TJP2: variants seen among roughly 807,000 people sequenced by gnomAD.
TJP2 encodes the protein tight junction protein 2, also known as Friedreich ataxia region gene X104 (tight junction protein ZO-2).
A neutral mutation model predicts 133.1 loss-of-function variants in TJP2; 91 were observed. The observed-to-expected ratio is 0.68, with a 90% CI of 0.58 to 0.81. The LOEUF is 0.81. Among genes scored for constraint, TJP2 ranks in the 40% least tolerant of loss-of-function variants. The pLI is 0.00. For synonymous variants in TJP2, 592 were observed against 583.4 expected (o/e 1.01, Z -0.21); for missense variants, 1,541 against 1,565.6 (o/e 0.98, Z 0.26).
intron 1 of TJP2, among the ~76,000 whole-genome samples, chr9:69,182,600 G>A (rs1231885889): frequency 6.6e-6 from 1 of 152,104 alleles, no homozygotes. Context: ...GCCAGACTTA[G>A]AGCTAAAAAA....
Position 69,212,541 on chromosome 9 carries a change from A to C in TJP2, c.61-7A>C, listed in dbSNP as rs755087942. ...TTCATCAGATTGGTTTTGTTCTTTT[A>C]AAACAGGCCCCAGGCATGGAAGAGC... On this transcript the variant is annotated splice_region_variant and splice_polypyrimidine_tract_variant and intron_variant, in intron 1 of 22. Transcript: ENST00000377245. 3 of 1,611,062 alleles carry C rather than the reference A, an allele frequency of 1.9e-6. No individual in the cohort carries two copies. Among genetic ancestry groups the C allele is most frequent in the Non-Finnish European group, 2.5e-6 (3 of 1,177,360 alleles).
In TJP2 at chr9:69,127,010, T is replaced by C. The variant is rs1201592271; in HGVS notation, c.-131+5285T>C. Among the ~76,000 whole-genome samples, 2 of 75,614 alleles carry C rather than the reference T, an allele frequency of 2.6e-5. 1 individual carries two copies. Among genetic ancestry groups the C allele is most frequent in the African/African-American group, 8.1e-5 (2 of 24,788 alleles). 49.6% of individuals were successfully genotyped at this position (75,614 alleles called of 152,430 possible). A position where few individuals can be genotyped will look rare whatever the true frequency, so the allele number is the denominator to read the frequency against. ...AGTTTGGAAGGCTGAGGTGGAAGGA[T>C]TGCTTGAGCCTGGGAGTTCAAGTCC... On this transcript the variant is annotated intron_variant, in intron 1 of 5. Transcript: ENST00000423935.
At chr9:69,152,571 C>G (rs10869940) in intron 2 of TJP2, among the ~76,000 whole-genome samples, 1 of 152,050 alleles carries the variant, frequency 6.6e-6, no homozygotes, top group Non-Finnish European at 1.5e-5. Context: ...CTGCTGCCTT[C>G]TAATTGTGTG....
upstream of TJP2, among the ~76,000 whole-genome samples, chr9:69,171,202 G>A (rs1297334766): frequency 1.3e-5 from 2 of 152,054 alleles, no homozygotes; most frequent in Non-Finnish European, 2.9e-5. Flanking sequence ...CTCACTTCCC[G>A]CTCGCGTCTC....
intron 1 of TJP2, among the ~76,000 whole-genome samples, chr9:69,194,557 G>A (rs947013612): frequency 6.6e-6 from 1 of 152,190 alleles, no homozygotes; most frequent in Admixed American, 6.5e-5. Flanking sequence ...TTCAGTTGCA[G>A]TAGCCACATT....
chr9:69,191,732 ATT>A (rs35985278), intron 1 of TJP2, among the ~76,000 whole-genome samples: 8 of 151,218 alleles, frequency 5.3e-5, no homozygotes, highest in Non-Finnish European at 1.2e-4. Context: ...AATGCAGTTC[ATT>A]TTTAAAATTT....
upstream of TJP2, chr9:69,121,448 G>A: frequency 2.9e-6 from 2 of 699,458 alleles, no homozygotes; most frequent in Non-Finnish European, 3.5e-6. Flanking sequence ...CCCCCACCCT[G>A]GATTTTTTTT....
In TJP2 at chr9:69,255,047, A is replaced by G. The variant is rs559263751; in HGVS notation, c.*673A>G. 6.3e-6 allele frequency: 1 copy of G among 158,784 alleles called. No homozygotes were observed. Among genetic ancestry groups the G allele is most frequent in the African/African-American group, 2.4e-5 (1 of 41,802 alleles). 9.8% of individuals were successfully genotyped at this position (158,784 alleles called of 1,614,324 possible). ...TTGATAGTTTGGCTATAAGTGCTCA[A>G]TAGCTTGAAGCCCAAGAAGTTGGTA... On this transcript the variant is annotated 3_prime_UTR_variant, in exon 23 of 23. Transcript: ENST00000377245.
chr9:69,212,090 C>T (rs992515204), intron 1 of TJP2, among the ~76,000 whole-genome samples: 25 of 152,194 alleles, frequency 1.6e-4, no homozygotes, highest in Non-Finnish European at 3.1e-4. Context: ...CGAAAGATCC[C>T]GCAGATCACC....
rs570207120 is a variant in TJP2 at position 69,249,876 on chromosome 9, A to G, written c.2991+391A>G. On this transcript the variant is annotated intron_variant, in intron 20 of 22. Transcript: ENST00000377245. ...CAGTCTGATTTAGATGCACCAGATA[A>G]TTCTTACTGGTGATGTGCTAAAGAG... 8.3e-6 allele frequency: 3 copies of G among 363,366 alleles called. No homozygotes were observed. In the East Asian group the frequency reaches 5.0e-4, roughly 60 times the overall value. 22.5% of individuals were successfully genotyped at this position (363,366 alleles called of 1,614,324 possible).
At position 69,199,444 on chromosome 9, in the gene TJP2, C is replaced by T. The variant is rs564973025; in HGVS notation, c.61-13104C>T. On this transcript the variant is annotated intron_variant, in intron 1 of 22. Transcript: ENST00000377245. ...TACTCCGGGGCTGAGGCAGGAGGAC[C>T]GCTTGAGCCCAGGAGGTTGAGGCTG... is the stretch of plus-strand genomic sequence containing the variant. 8.5e-5 allele frequency among the ~76,000 whole-genome samples: 13 copies of T among 152,248 alleles called. No homozygotes were observed. The East Asian group carries it at 2.3e-3, about 27-fold the overall frequency.
intron 3 of TJP2, 83 bp downstream of exon 3, chr9:69,216,546 A>G: frequency 6.8e-7 from 1 of 1,471,222 alleles, no homozygotes; most frequent in South Asian, 1.2e-5. Context: ...TGTCCACTTT[A>G]TTTAAAAAAA....
intron 1 of TJP2, among the ~76,000 whole-genome samples, chr9:69,209,453 C>A (rs978190285): frequency 2.6e-5 from 4 of 152,016 alleles, no homozygotes; most frequent in African/African-American, 9.7e-5. Flanking sequence ...CTTTCTGTTT[C>A]CATTTAAGAA....
chr9:69,162,442 TGA>T (rs1824131397), intron 2 of TJP2, among the ~76,000 whole-genome samples: 1 of 152,168 alleles, frequency 6.6e-6, no homozygotes, highest in African/African-American at 2.4e-5. Context: ...GAATTCTGCG[TGA>T]GTCTTACAAG....
At chr9:69,239,344 A>G (rs975632464) in intron 16 of TJP2, among the ~76,000 whole-genome samples, 1 of 151,356 alleles carries the variant, frequency 6.6e-6, no homozygotes, top group South Asian at 2.1e-4. Flanking sequence ...AATGCAAACC[A>G]TTTCACTGTG....
chr9:69,201,382 C>T (rs940472274), intron 1 of TJP2, among the ~76,000 whole-genome samples: 1 of 150,248 alleles, frequency 6.7e-6, no homozygotes, highest in Non-Finnish European at 1.5e-5. Flanking sequence ...TTTTCTTTGT[C>T]AGGTCTTTGC....
At chr9:69,148,491 C>T (rs1823318873) in intron 1 of TJP2, among the ~76,000 whole-genome samples, 1 of 150,348 alleles carries the variant, frequency 6.7e-6, no homozygotes, top group African/African-American at 2.5e-5. Context: ...TCTCCTGTCT[C>T]CACCTCCCAA....
At chr9:69,129,919 G>T (rs1025875185) in intron 1 of TJP2, among the ~76,000 whole-genome samples, 8 of 150,878 alleles carry the variant, frequency 5.3e-5, no homozygotes, top group African/African-American at 2.0e-4. Context: ...GGAGGCTGAG[G>T]CAAGAAAATC....
At position 69,251,360 on chromosome 9, in the gene TJP2, C is replaced by T. The variant is rs141739598; in HGVS notation, c.3317C>T (p.Ala1106Val). ...CAGGAGCTCCAGGAAGCACAGAATG[C>T]AAGGGTAATTGTTTTTAAACTACAC... ...RMQELQEAQN[A>V]RIEIAQKHPD... The change falls in exon 21 of 23, where the codon GCA (alanine) becomes GTA (valine). Residue 1106 changes from alanine (A) to valine (V), a missense_variant. Transcript: ENST00000377245. 5 of 1,613,108 alleles carry T rather than the reference C, an allele frequency of 3.1e-6. No homozygotes were observed. The African/African-American group carries it at 6.7e-5, about 22-fold the overall frequency.
Sources: gnomAD v4.1 joint callset for allele counts (sites outside exome capture counted in the v4.1 genomes callset) on GRCh38, gnomAD v4.1.1 for gene constraint, MANE v1.5 for transcripts, NCBI Gene and HGNC (gene_info 2026-07-23, HGNC 2026-07-21) for gene names.